LHFPL6: variants seen among roughly 807,000 people sequenced by gnomAD.
LHFPL6 encodes LHFPL tetraspan subfamily member 6.
A neutral mutation model predicts 20.6 loss-of-function variants in LHFPL6; 9 were observed. The ratio of observed to expected loss-of-function variants is 0.44; its 90% CI spans 0.26 to 0.76. LHFPL6 has a LOEUF of 0.76. Among genes scored for constraint, LHFPL6 ranks in the 30% least tolerant of loss-of-function variants. The probability of loss-of-function intolerance (pLI) is 0.20; values close to 1 mark genes in which losing one functional copy is unlikely to be tolerated. For synonymous variants in LHFPL6, 105 were observed against 98.7 expected (o/e 1.06, Z -0.38); for missense variants, 218 against 253.5 (o/e 0.86, Z 0.95).
chr13:39,369,699 A>G (rs1870118591), intron 3 of LHFPL6, among the ~76,000 whole-genome samples: 1 of 151,052 alleles, frequency 6.6e-6, no homozygotes, highest in Non-Finnish European at 1.5e-5. Flanking sequence ...CATGCCAGTA[A>G]GAATTATGTC....
intron 2 of LHFPL6, among the ~76,000 whole-genome samples, chr13:39,459,180 G>A (rs1872635310): frequency 6.8e-6 from 1 of 146,898 alleles, no homozygotes; most frequent in South Asian, 2.2e-4. Context: ...AGTAATAGCT[G>A]GACAAGTTCC....
At chr13:39,502,465 A>T (rs1420107230) in intron 2 of LHFPL6, among the ~76,000 whole-genome samples, 11 of 530 alleles carry the variant, frequency 0.021, no homozygotes, top group Non-Finnish European at 0.1. Flanking sequence ...CAAAAAATTA[A>T]AAAAAAAAAA....
intron 2 of LHFPL6, among the ~76,000 whole-genome samples, chr13:39,391,478 ATG>A (rs748358926): frequency 1.4e-4 from 21 of 151,800 alleles, no homozygotes; most frequent in Admixed American, 2.6e-4. Context: ...ATAAGGATTT[ATG>A]TGTGTGTGTG....
intron 2 of LHFPL6, among the ~76,000 whole-genome samples, chr13:39,401,839 T>C (rs892186331): frequency 1.3e-5 from 2 of 152,198 alleles, no homozygotes; most frequent in African/African-American, 4.8e-5. Flanking sequence ...CTTAACCCTG[T>C]CATCTCAACA....
chr13:39,416,450 T>A (rs1200866719), intron 2 of LHFPL6, among the ~76,000 whole-genome samples: 1 of 152,080 alleles, frequency 6.6e-6, no homozygotes, highest in Non-Finnish European at 1.5e-5. Flanking sequence ...TCCCCAACTG[T>A]GGTGCCACAC....
chr13:39,513,320 C>G (rs146176090), intron 2 of LHFPL6, among the ~76,000 whole-genome samples: 1 of 152,300 alleles, frequency 6.6e-6, no homozygotes, highest in East Asian at 1.9e-4. Flanking sequence ...TTATTGTGTT[C>G]TAATCATCAG....
intron 3 of LHFPL6, among the ~76,000 whole-genome samples, chr13:39,354,108 T>C (rs1869664318): frequency 6.6e-6 from 1 of 152,212 alleles, no homozygotes; most frequent in African/African-American, 2.4e-5. Context: ...CTGCTGTGAA[T>C]GCACTGAAAT....
intron 2 of LHFPL6, among the ~76,000 whole-genome samples, chr13:39,422,551 A>G (rs1242261501): frequency 6.9e-6 from 1 of 145,660 alleles, no homozygotes; most frequent in Non-Finnish European, 1.5e-5. Context: ...GTGCCATTGC[A>G]TTCCATCCTG....
chr13:39,513,424 C>T (rs1398560687), intron 2 of LHFPL6, among the ~76,000 whole-genome samples: 1 of 152,146 alleles, frequency 6.6e-6, no homozygotes, highest in Non-Finnish European at 1.5e-5. Context: ...CTATCCTATG[C>T]CTTCCAGTGG....
chr13:39,377,156 T>C (rs1566097349), intron 3 of LHFPL6, among the ~76,000 whole-genome samples: 2 of 152,228 alleles, frequency 1.3e-5, no homozygotes, highest in Non-Finnish European at 1.5e-5. Context: ...CACTAGATCA[T>C]ACCCTCTTTG....
intron 3 of LHFPL6, among the ~76,000 whole-genome samples, chr13:39,354,938 T>C (rs1300025596): frequency 6.6e-6 from 1 of 151,704 alleles, no homozygotes; most frequent in African/African-American, 2.4e-5. Context: ...CTCACTGGCA[T>C]TTCTGAGAAA....
rs549223066 is a variant in LHFPL6 at position 39,434,538 on chromosome 13, A to G, written c.386-56012T>C. On this transcript the variant is annotated intron_variant, in intron 2 of 3. Coordinates refer to ENST00000379589, the MANE Select transcript of LHFPL6 (RefSeq NM_005780.3). ...TGTCAATCATTTTGGTGCCAAGTTAAATTGTTTTTAAACTTGCTTTCATAG... is the reference window on the plus strand; with the variant it reads ...TGTCAATCATTTTGGTGCCAAGTTAGATTGTTTTTAAACTTGCTTTCATAG... 2.6e-5 allele frequency among the ~76,000 whole-genome samples: 4 copies of G among 152,248 alleles called. No individual in the cohort carries two copies. In the South Asian group the frequency reaches 8.3e-4, roughly 32 times the overall value.
chr13:39,566,601 C>T (rs1871724304), intron 2 of LHFPL6, among the ~76,000 whole-genome samples: 2 of 151,584 alleles, frequency 1.3e-5, no homozygotes, highest in African/African-American at 4.9e-5. Context: ...GGCATGGTGG[C>T]GTGTACCTGT....
intron 2 of LHFPL6, among the ~76,000 whole-genome samples, chr13:39,482,217 G>T (rs992656481): frequency 4.6e-5 from 7 of 152,190 alleles, no homozygotes; most frequent in South Asian, 2.1e-4. Flanking sequence ...GCTGAGATGG[G>T]CAGATCATTT....
intron 3 of LHFPL6, among the ~76,000 whole-genome samples, chr13:39,363,849 A>C (rs1291597581): frequency 1.3e-5 from 2 of 152,188 alleles, no homozygotes; most frequent in Non-Finnish European, 2.9e-5. Context: ...TATGGGAAAA[A>C]AACAAATTTT....
At chr13:39,361,612 G>A (rs1055885182) in intron 3 of LHFPL6, among the ~76,000 whole-genome samples, 12 of 152,212 alleles carry the variant, frequency 7.9e-5, no homozygotes, top group Middle Eastern at 3.4e-3. Flanking sequence ...CACCGTGCCT[G>A]GCCCTTGAGC....
At chr13:39,600,011 A>T (rs1456925623) in intron 2 of LHFPL6, among the ~76,000 whole-genome samples, 1 of 152,250 alleles carries the variant, frequency 6.6e-6, no homozygotes, top group Admixed American at 6.5e-5. Flanking sequence ...AAGTTCAGCC[A>T]GTCAGGTTGA....
chr13:39,445,891 T>C (rs1223588946), intron 2 of LHFPL6, among the ~76,000 whole-genome samples: 1 of 152,170 alleles, frequency 6.6e-6, no homozygotes, highest in Non-Finnish European at 1.5e-5. Flanking sequence ...AGGCTTTTTT[T>C]CCTGTGGTAC....
At chr13:39,509,443 G>A (rs566223290) in intron 2 of LHFPL6, among the ~76,000 whole-genome samples, 3 of 151,596 alleles carry the variant, frequency 2.0e-5, no homozygotes, top group Non-Finnish European at 2.9e-5. Context: ...AACATACTAC[G>A]GTTCAGATTA....
Sources: allele counts gnomAD v4.1 joint callset (sites outside exome capture counted in the v4.1 genomes callset), GRCh38; gene constraint gnomAD v4.1.1; transcripts MANE v1.5; gene names NCBI Gene and HGNC (gene_info 2026-07-23, HGNC 2026-07-21).